The following PIWIL1 variants were observed in gnomAD, a reference collection of about 807,000 sequenced individuals.
The protein encoded by PIWIL1 is piwi-like protein 1.
In PIWIL1, 73 loss-of-function variants were observed where a neutral mutation model predicts 114.4. The ratio of observed to expected loss-of-function variants is 0.64; its 90% CI spans 0.53 to 0.78. PIWIL1 has a LOEUF of 0.78. Ranked by LOEUF, PIWIL1 falls within the 30% of genes least tolerant of loss-of-function variation. The pLI, the probability that PIWIL1 is intolerant of heterozygous loss-of-function variation, is 0.00. For missense variants in PIWIL1, 723 were observed against 1,063.1 expected, an observed-to-expected ratio of 0.68 and a Z score of 4.45; for synonymous variants, 375 against 369.0, an observed-to-expected ratio of 1.02 and a Z score of -0.19.
chr12:130,408,264 G>T, the PIWIL1 span, among the ~76,000 whole-genome samples: 3 of 152,178 alleles, frequency 2.0e-5, no homozygotes, highest in Non-Finnish European at 2.9e-5. Flanking sequence ...TGTAACTATG[G>T]TGGCGCTACA....
chr12:130,369,398 T>C (rs568484816), intron 19 of PIWIL1, among the ~76,000 whole-genome samples: 1 of 152,338 alleles, frequency 6.6e-6, no homozygotes, highest in East Asian at 1.9e-4. Context: ...TTATATTTAT[T>C]TGGGTATATA....
chr12:130,408,038 T>C, the PIWIL1 span, among the ~76,000 whole-genome samples: 3 of 152,262 alleles, frequency 2.0e-5, no homozygotes, highest in Non-Finnish European at 4.4e-5. Flanking sequence ...TGCTGTAGTA[T>C]GGTTTCTCCC....
chr12:130,414,587 A>G, the PIWIL1 span: 1 of 278,190 alleles, frequency 3.6e-6, no homozygotes. Context: ...AGGCTGGGGC[A>G]GGGGCTGCGG....
chr12:130,399,660 G>T, the PIWIL1 span: 3 of 1,613,822 alleles, frequency 1.9e-6, no homozygotes, highest in Non-Finnish European at 2.5e-6. Flanking sequence ...GATTAAAAAG[G>T]CTAAATAGGT....
chr12:130,392,862 C>G, the PIWIL1 span, among the ~76,000 whole-genome samples: 4 of 26,382 alleles, frequency 1.5e-4, no homozygotes, highest in Non-Finnish European at 3.2e-4. Context: ...TCACGTGTGT[C>G]CGTCAGTTAC....
At chr12:130,392,188 C>T in the PIWIL1 span, among the ~76,000 whole-genome samples, 1 of 99,834 alleles carries the variant, frequency 1.0e-5, no homozygotes, top group East Asian at 2.2e-4. Flanking sequence ...ACCCGGTCAC[C>T]GTCATCACGT....
the PIWIL1 span, among the ~76,000 whole-genome samples, chr12:130,400,101 A>G: frequency 6.6e-6 from 1 of 152,152 alleles, no homozygotes; most frequent in Non-Finnish European, 1.5e-5. Flanking sequence ...AGGCTTCTGA[A>G]GGAAACACTC....
At chr12:130,392,842 G>A in the PIWIL1 span, among the ~76,000 whole-genome samples, 2 of 130,194 alleles carry the variant, frequency 1.5e-5, no homozygotes, top group African/African-American at 3.1e-5. Flanking sequence ...TGATGACCCG[G>A]TCACCGTCAT....
intron 8 of PIWIL1, 107 bp from the exon 9 acceptor site, chr12:130,349,749 A>C: frequency 3.0e-6 from 2 of 675,462 alleles, no homozygotes; most frequent in Non-Finnish European, 5.0e-6. Flanking sequence ...CCTTGTATAT[A>C]ACCAGGTGAT....
At chr12:130,340,804 T>C (rs578011192) in intron 1 of PIWIL1, among the ~76,000 whole-genome samples, 1 of 152,238 alleles carries the variant, frequency 6.6e-6, no homozygotes, top group Non-Finnish European at 1.5e-5. Context: ...CATTATAAAA[T>C]AAATACAAAG....
downstream of PIWIL1, among the ~76,000 whole-genome samples, chr12:130,375,928 C>G (rs1056651503): frequency 1.3e-5 from 2 of 152,180 alleles, no homozygotes; most frequent in African/African-American, 2.4e-5. Flanking sequence ...ATGCCATGCT[C>G]TCTTGGCTCC....
At chr12:130,385,663 T>C in the PIWIL1 span, among the ~76,000 whole-genome samples, 1 of 152,228 alleles carries the variant, frequency 6.6e-6, no homozygotes, top group African/African-American at 2.4e-5. Context: ...TAAGAACTTA[T>C]TATTTCAGCT....
At chr12:130,384,272 T>C in the PIWIL1 span, among the ~76,000 whole-genome samples, 57 of 152,362 alleles carry the variant, frequency 3.7e-4, no homozygotes, top group Non-Finnish European at 7.1e-4. Context: ...ATTTCCATTA[T>C]GTTCAGGAAA....
At chr12:130,349,479 A>G in intron 8 of PIWIL1, 43 bp downstream of exon 8, 1 of 1,338,330 alleles carries the variant, frequency 7.5e-7, no homozygotes, top group Non-Finnish European at 1.1e-6. Context: ...TTTGTGAGTC[A>G]AAGTATTGTG....
At chr12:130,385,312 C>T in the PIWIL1 span, among the ~76,000 whole-genome samples, 2 of 152,210 alleles carry the variant, frequency 1.3e-5, no homozygotes, top group Non-Finnish European at 2.9e-5. Flanking sequence ...AAAGTACTTT[C>T]TTCATTGTTG....
chr12:130,343,197 C>G, intron 3 of PIWIL1, 96 bp downstream of exon 3: 1 of 741,130 alleles, frequency 1.3e-6, no homozygotes, highest in East Asian at 2.8e-5. Context: ...TGTGCTGAAA[C>G]TGTTTAAGAA....
the PIWIL1 span, among the ~76,000 whole-genome samples, chr12:130,386,182 T>G: frequency 6.6e-6 from 1 of 152,174 alleles, no homozygotes; most frequent in Non-Finnish European, 1.5e-5. Flanking sequence ...TGTTTGTTTC[T>G]TTTTTCATTT....
downstream of PIWIL1, among the ~76,000 whole-genome samples, chr12:130,376,376 T>C (rs991831239): frequency 2.2e-4 from 34 of 152,240 alleles, no homozygotes; most frequent in African/African-American, 8.0e-4. Context: ...AAACACTGTA[T>C]ATGCCTGAGG....
At chr12:130,340,462 T>A (rs1169032663) in intron 1 of PIWIL1, among the ~76,000 whole-genome samples, 1 of 151,864 alleles carries the variant, frequency 6.6e-6, no homozygotes, top group Non-Finnish European at 1.5e-5. Context: ...CCCAGACCCT[T>A]GGCACGCCGA....
Sources: allele counts gnomAD v4.1 joint callset (sites outside exome capture counted in the v4.1 genomes callset), GRCh38; gene constraint gnomAD v4.1.1; transcripts MANE v1.5; gene names NCBI Gene and HGNC (gene_info 2026-07-23, HGNC 2026-07-21).